The following IQCH variants were observed in gnomAD, a reference collection of about 807,000 sequenced individuals.
The protein encoded by IQCH is IQ motif containing H.
In IQCH, 98 loss-of-function variants were observed where a neutral mutation model predicts 117.0. The ratio of observed to expected loss-of-function variants is 0.84; its 90% CI spans 0.71 to 0.99. The LOEUF (loss-of-function observed/expected upper bound fraction) is 0.99. Among genes scored for constraint, IQCH ranks in the 50% least tolerant of loss-of-function variants. IQCH has a pLI of 0.00. For synonymous variants in IQCH, 412 were observed against 448.2 expected, an observed-to-expected ratio of 0.92 and a Z score of 1.02; for missense variants, 1,102 against 1,243.8, an observed-to-expected ratio of 0.89 and a Z score of 1.72.
chr15:67,373,020 G>GA lies in IQCH; in HGVS notation c.1306-337dup, dbSNP rs973575645. On this transcript the variant is annotated intron_variant, in intron 9 of 20. Transcript: ENST00000335894. ...ACCTTCTGGCACTTTAATTTGCTCA[G>GA]AAAAAAAAAATCCTCTCTTGTCTAC... Among the ~76,000 whole-genome samples, 60 of 149,176 alleles carry GA rather than the reference G, an allele frequency of 4.0e-4. 2 individuals are homozygous for GA. The highest frequency in any genetic ancestry group is 1.2e-3 in the African/African-American group (48 of 40,714).
At chr15:67,400,041 C>T (rs1971591953) in intron 13 of IQCH, 73 bp from the exon 14 acceptor site, 2 of 1,214,264 alleles carry the variant, frequency 1.6e-6, no homozygotes, top group African/African-American at 3.0e-5. Flanking sequence ...AGTACAGCAA[C>T]TAAGTTGTTA....
intron 3 of IQCH, among the ~76,000 whole-genome samples, chr15:67,275,458 T>C (rs1006366883): frequency 4.6e-5 from 7 of 152,140 alleles, no homozygotes; most frequent in Non-Finnish European, 1.0e-4. Context: ...CTCAGTAATG[T>C]ATGTTTGTTT....
chr15:67,421,125 T>G (rs1416068748), intron 15 of IQCH, 166 bp from the exon 16 acceptor site: 1 of 617,162 alleles, frequency 1.6e-6, no homozygotes, highest in Non-Finnish European at 2.8e-6. Context: ...CACAACAATC[T>G]AATGAGGTAG....
intron 18 of IQCH, among the ~76,000 whole-genome samples, chr15:67,482,916 G>C (rs2083377543): frequency 6.6e-6 from 1 of 152,106 alleles, no homozygotes; most frequent in Non-Finnish European, 1.5e-5. Flanking sequence ...GGTTTACTTT[G>C]GTGAGCTGCC....
intron 16 of IQCH, 123 bp downstream of exon 16, chr15:67,421,700 C>T: frequency 9.8e-7 from 1 of 1,019,582 alleles, no homozygotes; most frequent in Non-Finnish European, 1.4e-6. Flanking sequence ...GATGAACTTG[C>T]TCTAAATTCA....
chr15:67,354,004 G>A, intron 6 of IQCH, among the ~76,000 whole-genome samples: 1 of 152,144 alleles, frequency 6.6e-6, no homozygotes, highest in East Asian at 1.9e-4. Context: ...TAATATGCCA[G>A]AGGGGAGAAG....
At position 67,490,901 on chromosome 15, in the gene IQCH, T is replaced by C. The variant is rs149672930; in HGVS notation, c.2861+837T>C. Among the ~76,000 whole-genome samples the C allele has an allele frequency of 3.7e-3, 559 of 152,338 alleles. 2 individuals are homozygous for C. The highest frequency in any genetic ancestry group is 0.012 in the African/African-American group (481 of 41,580). On this transcript the variant is annotated intron_variant, in intron 19 of 20. Transcript: ENST00000335894. The surrounding 1 kb of genome is among the most constrained non-coding windows in gnomAD (Gnocchi z 4.9). Reference sequence around the variant, plus strand: ...TTTCCCTCTGGGATATTTTGGAGCCTAGCAAAGCCTCCTATCTAGGACTCA... The same window carrying C: ...TTTCCCTCTGGGATATTTTGGAGCCCAGCAAAGCCTCCTATCTAGGACTCA...
chr15:67,263,452 G>T (rs1182818300), intron 3 of IQCH, among the ~76,000 whole-genome samples: 1 of 151,962 alleles, frequency 6.6e-6, no homozygotes, highest in African/African-American at 2.4e-5. Context: ...TAGATACATG[G>T]AACAGAATTG....
In IQCH at chr15:67,411,230, T is replaced by C. The variant is rs533508817; in HGVS notation, c.2098-5701T>C. ...AAATCCGGAGCACCTTTCATGGTGCTCCCCACTTTACACTCTGAAGAGGCA... is the reference window on the plus strand; with the variant it reads ...AAATCCGGAGCACCTTTCATGGTGCCCCCCACTTTACACTCTGAAGAGGCA... On this transcript the variant is annotated intron_variant, in intron 14 of 20. Coordinates refer to ENST00000335894, the MANE Select transcript of IQCH (RefSeq NM_001031715.3). This position sits in a 1 kb window ranked among gnomAD's most constrained non-coding sequence, Gnocchi z 4.4. Among the ~76,000 whole-genome samples the C allele has an allele frequency of 6.6e-6, 1 of 152,014 alleles. No individual in the cohort carries two copies. Among genetic ancestry groups the C allele is most frequent in the East Asian group, 1.9e-4 (1 of 5,162 alleles).
At position 67,431,486 on chromosome 15, in the gene IQCH, G is replaced by A. The variant is rs2082018843; in HGVS notation, c.2505+9909G>A. On this transcript the variant is annotated intron_variant, in intron 16 of 20. Coordinates refer to ENST00000335894, the MANE Select transcript of IQCH (RefSeq NM_001031715.3). This position sits in a 1 kb window ranked among gnomAD's most constrained non-coding sequence, Gnocchi z 4.8. Reference sequence around the variant, plus strand: ...ACACCACGCACTGAGGCCTATCAAAGGGTGGAGGGTGGGAGGAGGGAGAGA... The same window carrying A: ...ACACCACGCACTGAGGCCTATCAAAAGGTGGAGGGTGGGAGGAGGGAGAGA... 6.6e-6 allele frequency among the ~76,000 whole-genome samples: 1 copy of A among 152,074 alleles called. No homozygotes were observed.
rs776111763 is a variant in IQCH, at chr15:67,400,491, C to CTTTTCTTTTTTTTTTTT, written c.2097+190_2097+191insCTTTTTTTTTTTTTTTT. 1.4e-4 allele frequency among the ~76,000 whole-genome samples: 16 copies of CTTTTCTTTTTTTTTTTT among 115,568 alleles called. 2 individuals are homozygous for CTTTTCTTTTTTTTTTTT. The highest frequency in any genetic ancestry group is 3.0e-4 in the South Asian group (1 of 3,362). The allele number at this position is 115,568 out of a possible 152,430, so 75.8% of individuals were successfully genotyped here. A position where few individuals can be genotyped will look rare whatever the true frequency, so the allele number is the denominator to read the frequency against. On this transcript the variant is annotated intron_variant, in intron 14 of 20. Transcript: ENST00000335894. ...TGGGATTGACTGAGTTCTTTTTTTT[C>CTTTTCTTTTTTTTTTTT]TTTTTTTTTTTGAGATGGGGCCTCA...
chr15:67,296,476 G>T (rs1024826392), intron 4 of IQCH, among the ~76,000 whole-genome samples: 5 of 152,150 alleles, frequency 3.3e-5, no homozygotes, highest in Admixed American at 6.5e-5. Context: ...AGGGAAACTG[G>T]TGGAGGATTT....
intron 4 of IQCH, among the ~76,000 whole-genome samples, chr15:67,326,419 A>G (rs1020719280): frequency 6.6e-6 from 1 of 152,212 alleles, no homozygotes; most frequent in African/African-American, 2.4e-5. Flanking sequence ...TAGTGCTGCA[A>G]TAAACATATG....
chr15:67,488,076 C>T (rs1481562795), intron 18 of IQCH, among the ~76,000 whole-genome samples: 2 of 152,198 alleles, frequency 1.3e-5, no homozygotes, highest in Non-Finnish European at 2.9e-5. Flanking sequence ...CTTTGGGAGG[C>T]TGAGGCTGGG....
In IQCH at chr15:67,454,274, C is replaced by A. The variant is rs531001593; in HGVS notation, c.2506-10853C>A. On this transcript the variant is annotated intron_variant, in intron 16 of 20. Transcript: ENST00000335894. This position sits in a 1 kb window ranked among gnomAD's most constrained non-coding sequence, Gnocchi z 5.2. ...TCTGGCACTCCCCAGTGAGATGAAC[C>A]CGGTACCTCAGTTGGAAATGCAGAA... Among the ~76,000 whole-genome samples, 1 of 152,166 alleles carries A rather than the reference C, an allele frequency of 6.6e-6. No individual in the cohort carries two copies. The highest frequency in any genetic ancestry group is 1.5e-5 in the Non-Finnish European group (1 of 68,036).
chr15:67,346,964 A>G (rs1220837033), intron 6 of IQCH, among the ~76,000 whole-genome samples: 1 of 152,170 alleles, frequency 6.6e-6, no homozygotes, highest in East Asian at 1.9e-4. Context: ...TATTAAAAAA[A>G]TATTTTGAAT....
chr15:67,413,951 T>C lies in IQCH; in HGVS notation c.2098-2980T>C, dbSNP rs2081512183. On this transcript the variant is annotated intron_variant, in intron 14 of 20. Transcript: ENST00000335894. The surrounding 1 kb of genome is among the most constrained non-coding windows in gnomAD (Gnocchi z 5.0). ...AGGCGGTGGCAGAAGCCTGGCACAG[T>C]GTCCAGATGCCACACACAAGCAGCA... Among the ~76,000 whole-genome samples, 1 of 152,178 alleles carries C rather than the reference T, an allele frequency of 6.6e-6. No homozygotes were observed. Among genetic ancestry groups the C allele is most frequent in the South Asian group, 2.1e-4 (1 of 4,820 alleles).
chr15:67,498,743 G>A (rs2083896299), intron 20 of IQCH, among the ~76,000 whole-genome samples: 1 of 152,084 alleles, frequency 6.6e-6, no homozygotes, highest in Non-Finnish European at 1.5e-5. Flanking sequence ...CTTAGACATG[G>A]TGCCTAAAGC....
chr15:67,344,800 A>T (rs565266613), intron 6 of IQCH, among the ~76,000 whole-genome samples: 5 of 152,354 alleles, frequency 3.3e-5, no homozygotes, highest in African/African-American at 1.2e-4. Context: ...GGCTATCTTT[A>T]CATTAAGTGT....
Sources: gnomAD v4.1 joint callset for allele counts (sites outside exome capture counted in the v4.1 genomes callset) on GRCh38, gnomAD v4.1.1 for gene constraint, Gnocchi (gnomAD v3.1) non-coding constraint, MANE v1.5 for transcripts, NCBI Gene and HGNC (gene_info 2026-07-23, HGNC 2026-07-21) for gene names.